The following CLPB variants were observed in gnomAD, a reference collection of about 807,000 sequenced individuals.
CLPB encodes ClpB family mitochondrial disaggregase.
In CLPB, 40 loss-of-function variants were observed where a neutral mutation model predicts 78.4. That is an observed-to-expected ratio of 0.51 (90% CI 0.40 to 0.66). The LOEUF (loss-of-function observed/expected upper bound fraction) is 0.66. CLPB is among the 30% of genes least tolerant of loss of function. The pLI is 0.00. For missense variants in CLPB, 780 were observed against 886.9 expected (o/e 0.88, Z 1.53); for synonymous variants, 333 against 348.0 (o/e 0.96, Z 0.48).
chr11:72,311,992 G>A (rs1949855991), intron 7 of CLPB, among the ~76,000 whole-genome samples: 1 of 152,188 alleles, frequency 6.6e-6, no homozygotes, highest in African/African-American at 2.4e-5. Flanking sequence ...CCATTAACTT[G>A]CAGGTCTGTA....
At chr11:72,400,087 T>C (rs1488001209) in intron 3 of CLPB, among the ~76,000 whole-genome samples, 1 of 152,206 alleles carries the variant, frequency 6.6e-6, no homozygotes, top group Non-Finnish European at 1.5e-5. Context: ...TTATACTCAT[T>C]GTTTATTGTC....
At chr11:72,429,339 T>C (rs944108273) in intron 2 of CLPB, among the ~76,000 whole-genome samples, 4 of 152,154 alleles carry the variant, frequency 2.6e-5, no homozygotes, top group Admixed American at 1.3e-4. Flanking sequence ...TCAATAATAA[T>C]GCTGCAGATA....
At chr11:72,394,611 C>A (rs1855349821) in intron 3 of CLPB, among the ~76,000 whole-genome samples, 1 of 152,216 alleles carries the variant, frequency 6.6e-6, no homozygotes. Flanking sequence ...GAGGTTGAGG[C>A]ATGTGTCTGC....
chr11:72,353,451 A>T (rs1181250038), intron 5 of CLPB, among the ~76,000 whole-genome samples: 1 of 152,202 alleles, frequency 6.6e-6, no homozygotes, highest in Non-Finnish European at 1.5e-5. Flanking sequence ...AAAAAGTCAG[A>T]CACATTAGGA....
intron 4 of CLPB, among the ~76,000 whole-genome samples, chr11:72,378,876 A>C (rs2135673678): frequency 6.6e-6 from 1 of 152,348 alleles, no homozygotes; most frequent in Non-Finnish European, 1.5e-5. Context: ...GTAACCATAC[A>C]AGAGGCCAAG....
At chr11:72,399,871 C>T (rs1204463283) in intron 3 of CLPB, among the ~76,000 whole-genome samples, 3 of 152,152 alleles carry the variant, frequency 2.0e-5, no homozygotes, top group African/African-American at 7.2e-5. Flanking sequence ...ATATGAAAAT[C>T]AGTATATTTC....
At chr11:72,372,491 T>TA (rs1160578182) in intron 4 of CLPB, among the ~76,000 whole-genome samples, 6 of 152,162 alleles carry the variant, frequency 3.9e-5, no homozygotes, top group African/African-American at 9.7e-5. Flanking sequence ...GAGTGAAGCT[T>TA]AAAGTGGCAA....
At chr11:72,319,339 G>A (rs1175263841) in intron 6 of CLPB, among the ~76,000 whole-genome samples, 1 of 152,222 alleles carries the variant, frequency 6.6e-6, no homozygotes, top group Admixed American at 6.5e-5. Context: ...CAAAGGGCCT[G>A]GCTCACAGCA....
At chr11:72,413,237 C>T (rs147164794) in intron 2 of CLPB, among the ~76,000 whole-genome samples, 1,704 of 151,788 alleles carry the variant, frequency 0.011, 22 homozygotes, top group Non-Finnish European at 0.016. Context: ...TGCAGTGAGC[C>T]GAGATCGTGC....
At chr11:72,397,476 A>G (rs988457467) in intron 3 of CLPB, among the ~76,000 whole-genome samples, 2 of 152,160 alleles carry the variant, frequency 1.3e-5, no homozygotes, top group African/African-American at 4.8e-5. Flanking sequence ...TGGCTATACC[A>G]TTATGCATTC....
intron 2 of CLPB, among the ~76,000 whole-genome samples, chr11:72,408,934 G>A (rs1416257149): frequency 1.3e-5 from 2 of 152,222 alleles, no homozygotes; most frequent in African/African-American, 4.8e-5. Flanking sequence ...GCCTGAGAAA[G>A]CCACCCTTGC....
At chr11:72,352,468 T>C (rs1371467537) in intron 5 of CLPB, 1 of 152,226 alleles carries the variant, frequency 6.6e-6, no homozygotes, top group Non-Finnish European at 1.5e-5. Flanking sequence ...CTGAGTAAAG[T>C]ATGCTGCTTC....
chr11:72,324,404 C>T (rs1344015632), intron 6 of CLPB, among the ~76,000 whole-genome samples: 2 of 151,934 alleles, frequency 1.3e-5, no homozygotes, highest in Non-Finnish European at 2.9e-5. Flanking sequence ...CCCGTCTCTA[C>T]TAAAAATACA....
At chr11:72,305,977 C>A (rs1949739698) in intron 9 of CLPB, among the ~76,000 whole-genome samples, 2 of 152,256 alleles carry the variant, frequency 1.3e-5, no homozygotes, top group South Asian at 4.1e-4. Flanking sequence ...ATAACTACAT[C>A]TTCCCTAATA....
At chr11:72,379,131 G>A (rs898372510) in intron 4 of CLPB, among the ~76,000 whole-genome samples, 24 of 152,144 alleles carry the variant, frequency 1.6e-4, no homozygotes, top group African/African-American at 5.3e-4. Context: ...CAACAACACC[G>A]CTACTCTGAG....
intron 2 of CLPB, among the ~76,000 whole-genome samples, chr11:72,403,968 C>A (rs1367060392): frequency 6.6e-6 from 1 of 152,126 alleles, no homozygotes; most frequent in African/African-American, 2.4e-5. Flanking sequence ...CACCTAAGGA[C>A]CTAAGAGTAA....
chr11:72,423,766 T>A (rs1399214294), intron 2 of CLPB, among the ~76,000 whole-genome samples: 1 of 152,226 alleles, frequency 6.6e-6, no homozygotes, highest in Non-Finnish European at 1.5e-5. Flanking sequence ...TAATATGGCC[T>A]ACAGACCCAG....
At chr11:72,298,550 C>T (rs1286812713) in intron 11 of CLPB, among the ~76,000 whole-genome samples, 8 of 152,154 alleles carry the variant, frequency 5.3e-5, no homozygotes, top group Non-Finnish European at 8.8e-5. Context: ...CAGGTTGGAG[C>T]GCAGTGGTGC....
At chr11:72,398,856 T>A (rs1855484120) in intron 3 of CLPB, among the ~76,000 whole-genome samples, 1 of 152,202 alleles carries the variant, frequency 6.6e-6, no homozygotes, top group South Asian at 2.1e-4. Flanking sequence ...AGTAGAATGT[T>A]GGTAAAGCTT....
Sources: gnomAD v4.1 joint callset for allele counts (sites outside exome capture counted in the v4.1 genomes callset) on GRCh38, gnomAD v4.1.1 for gene constraint, MANE v1.5 for transcripts, NCBI Gene and HGNC (gene_info 2026-07-23, HGNC 2026-07-21) for gene names.